The following AGPAT2 variants were observed in gnomAD, a reference collection of about 807,000 sequenced individuals.
AGPAT2 encodes 1-acyl-sn-glycerol-3-phosphate acyltransferase beta.
In AGPAT2, 18 loss-of-function variants were observed where a neutral mutation model predicts 26.1. The observed-to-expected ratio is 0.69, with a 90% CI of 0.48 to 1.02. AGPAT2 has a LOEUF of 1.02. Ranked by LOEUF, AGPAT2 falls within the 50% of genes least tolerant of loss-of-function variation. The pLI, the probability that AGPAT2 is intolerant of heterozygous loss-of-function variation, is 0.00. For synonymous variants in AGPAT2, 200 were observed against 174.2 expected (o/e 1.15, Z -1.16); for missense variants, 415 against 394.9 (o/e 1.05, Z -0.43).
chr9:136,684,720 G>A (rs1453083801), intron 1 of AGPAT2, among the ~76,000 whole-genome samples: 2 of 152,214 alleles, frequency 1.3e-5, no homozygotes, highest in Non-Finnish European at 2.9e-5. Context: ...CTGTCAGTGG[G>A]TTCGAACCCC....
chr9:136,677,403 AC>A lies in AGPAT2; in HGVS notation c.316+19del. 1 of 1,612,114 alleles carries A rather than the reference AC, an allele frequency of 6.2e-7. No homozygotes were observed. ...CGGCCCCACTCAAACCCCAGAAGCC[AC>A]CCCCGAGGCCCGGCCTACCCATCAT... On this transcript the variant is annotated intron_variant, in intron 2 of 5. Coordinates refer to ENST00000371696, the MANE Select transcript of AGPAT2 (RefSeq NM_006412.4).
chr9:136,679,533 C>A (rs968421724), intron 1 of AGPAT2, among the ~76,000 whole-genome samples: 1 of 152,182 alleles, frequency 6.6e-6, no homozygotes, highest in African/African-American at 2.4e-5. Flanking sequence ...CCCGCACACT[C>A]AGGGGAACTG....
rs1564289447 is a variant in AGPAT2 at position 136,673,873 on chromosome 9, G to GC, written c.715dup (p.Ala239GlyfsTer238). 1 of 1,603,218 alleles carries GC rather than the reference G, an allele frequency of 6.2e-7. No individual in the cohort carries two copies. Among genetic ancestry groups the GC allele is most frequent in the South Asian group, 1.1e-5 (1 of 89,300 alleles). ...GGTGTCCACGAGCGCAGGGACGTCCGCCGCAGTGAGGCCGCTGGTGGGGAT... is the reference window on the plus strand; with the variant it reads ...GGTGTCCACGAGCGCAGGGACGTCCGCCCGCAGTGAGGCCGCTGGTGGGGAT... On this transcript the variant is annotated frameshift_variant, in exon 6 of 6. Transcript: ENST00000371696. LOFTEE classifies it low-confidence loss of function (END_TRUNC).
Position 136,676,672 on chromosome 9 carries a change from C to T in AGPAT2, c.501G>A (p.Val167=), listed in dbSNP as rs770013832. The part of the protein sequence containing the change: ...GERMVRENLK[V]WIYPEGTRND... ...TGCGAGTACCCTCGGGATAGATCCA[C>T]ACTTTGAGCTGCAGGGAGAGGAGAG... The change falls in exon 4 of 6, where the codon GTG becomes GTA. Residue 167 remains valine, a synonymous_variant. Transcript: ENST00000371696. The T allele has an allele frequency of 6.2e-7, 1 of 1,613,536 alleles. No homozygotes were observed. The highest frequency in any genetic ancestry group is 1.1e-5 in the South Asian group (1 of 91,076).
At chr9:136,682,324 C>T (rs1846171608) in intron 1 of AGPAT2, among the ~76,000 whole-genome samples, 1 of 152,222 alleles carries the variant, frequency 6.6e-6, no homozygotes, top group South Asian at 2.1e-4. Context: ...CTTCCCCCAC[C>T]AGCTTGCCCA....
chr9:136,678,342 T>G (rs1246034796), intron 1 of AGPAT2, among the ~76,000 whole-genome samples: 1 of 152,196 alleles, frequency 6.6e-6, no homozygotes, highest in Admixed American at 6.5e-5. Flanking sequence ...CCGTCATGGT[T>G]GGGACCAGGG....
chr9:136,674,633 G>T, intron 5 of AGPAT2, 102 bp downstream of exon 5: 2 of 901,342 alleles, frequency 2.2e-6, no homozygotes, highest in Non-Finnish European at 1.5e-6. Context: ...GTGTGGCCAC[G>T]CCACGGGTGC....
chr9:136,679,591 A>G (rs1381722718), intron 1 of AGPAT2, among the ~76,000 whole-genome samples: 1 of 151,908 alleles, frequency 6.6e-6, no homozygotes, highest in Non-Finnish European at 1.5e-5. Flanking sequence ...AGCTTCCCGG[A>G]CCCCTGTGAC....
chr9:136,674,748 C>G lies in AGPAT2; in HGVS notation c.648G>C (p.Lys216Asn). Residue 216 changes from lysine (K) to asparagine (N), a missense_variant, in exon 5 of 6, where the codon AAG becomes AAC. Physicochemically the swap from Lys to Asn is moderately conservative, Grantham distance 94 (BLOSUM62 0). Transcript: ENST00000371696. ...SFSSFYNTKK[K>N]FFTSGTVTVQ... is the part of the protein sequence containing the mutation. ...ATGTGGGGGTACCTGAAGTGAAGAA[C>G]TTCTTCTTGGTGTTGTAGAAGGAGG... 3 of 1,510,092 alleles carry G rather than the reference C, an allele frequency of 2.0e-6. No homozygotes were observed. Among genetic ancestry groups the G allele is most frequent in the Non-Finnish European group, 2.7e-6 (3 of 1,125,402 alleles). 93.5% of individuals were successfully genotyped at this position (1,510,092 alleles called of 1,614,324 possible). A position where few individuals can be genotyped will look rare whatever the true frequency, so the allele number is the denominator to read the frequency against.
rs142207711 is a variant in AGPAT2 at position 136,673,869 on chromosome 9, G to A, written c.720C>T (p.Asp240=). Residue 240 remains aspartate, a synonymous_variant, in exon 6 of 6, where the codon GAC becomes GAT. Coordinates refer to ENST00000371696, the MANE Select transcript of AGPAT2 (RefSeq NM_006412.4). ...GGCAGGTGTCCACGAGCGCAGGGAC[G>A]TCCGCCGCAGTGAGGCCGCTGGTGG... The part of the protein sequence containing the change: ...AIPTSGLTAA[D]VPALVDTCHR... 43 of 1,603,328 alleles carry A rather than the reference G, an allele frequency of 2.7e-5. No individual in the cohort carries two copies. The highest frequency in any genetic ancestry group is 1.1e-4 in the African/African-American group (8 of 74,738).
chr9:136,677,487 G>C lies in AGPAT2; in HGVS notation c.252C>G (p.Arg84=). 1 of 1,613,074 alleles carries C rather than the reference G, an allele frequency of 6.2e-7. No individual in the cohort carries two copies. The highest frequency in any genetic ancestry group is 1.6e-4 in the Middle Eastern group (1 of 6,062). The change falls in exon 2 of 6, where the codon CGC becomes CGG. Residue 84 remains arginine (R), a synonymous_variant. Transcript: ENST00000371696. ...YGLRFEVRDP[R]RLQEARPCVI... is the part of the protein sequence containing the mutation. ...CACAGGGACGGGCCTCCTGCAGCCT[G>C]CGCGGGTCCCGCACCTCGAAGCGGA...
Position 136,676,655 on chromosome 9 carries a change from C to T in AGPAT2, c.518G>A (p.Gly173Asp), listed in dbSNP as rs1846093396. The T allele has an allele frequency of 6.2e-7, 1 of 1,613,516 alleles. No individual in the cohort carries two copies. The highest frequency in any genetic ancestry group is 8.5e-7 in the Non-Finnish European group (1 of 1,179,892). Residue 173 changes from glycine (G) to aspartate (D), a missense_variant, in exon 4 of 6, where the codon GGT (glycine) becomes GAT (aspartate). Coordinates refer to ENST00000371696, the MANE Select transcript of AGPAT2 (RefSeq NM_006412.4). ...ENLKVWIYPE[G>D]TRNDNGDLLP... is the part of the protein sequence containing the mutation. ...CAGGTCCCCATTGTCGTTGCGAGTA[C>T]CCTCGGGATAGATCCACACTTTGAG...
At position 136,673,473 on chromosome 9, in the gene AGPAT2, C is replaced by A. The variant is rs962359592; in HGVS notation, c.*279G>T. 1.5e-5 allele frequency: 5 copies of A among 338,920 alleles called. No homozygotes were observed. Among genetic ancestry groups the A allele is most frequent in the Non-Finnish European group, 2.1e-5 (4 of 186,382 alleles). 21.0% of individuals were successfully genotyped at this position (338,920 alleles called of 1,614,324 possible). ...GGCTCAGCCCACCAGCGGGCCACAG[C>A]CGCAAGCCTCATCTTTATCATCCCA... is the stretch of plus-strand genomic sequence containing the variant. On this transcript the variant is annotated 3_prime_UTR_variant, in exon 6 of 6. Coordinates refer to ENST00000371696, the MANE Select transcript of AGPAT2 (RefSeq NM_006412.4).
chr9:136,680,517 G>A (rs755482948), intron 1 of AGPAT2, among the ~76,000 whole-genome samples: 10 of 151,910 alleles, frequency 6.6e-5, no homozygotes, highest in Admixed American at 1.3e-4. Context: ...GTGAGCCACC[G>A]CGCCCGGCCA....
chr9:136,676,402 C>A (rs1485114154), intron 4 of AGPAT2, among the ~76,000 whole-genome samples, 183 bp downstream of exon 4: 1 of 152,266 alleles, frequency 6.6e-6, no homozygotes, highest in Non-Finnish European at 1.5e-5. Flanking sequence ...AGGGGCTGCC[C>A]TCCCTGGTCG....
At chr9:136,677,220 C>G (rs1226543897) in intron 2 of AGPAT2, 84 bp from the exon 3 acceptor site, 2 of 1,549,548 alleles carry the variant, frequency 1.3e-6, no homozygotes, top group Non-Finnish European at 1.8e-6. Context: ...ACAGGCCTGC[C>G]TGGCACCCTG....
chr9:136,677,660 T>G, intron 1 of AGPAT2, 104 bp from the exon 2 acceptor site: 7 of 1,393,636 alleles, frequency 5.0e-6, no homozygotes, highest in Non-Finnish European at 7.0e-6. Flanking sequence ...GGAGGGGCCC[T>G]CCTGGCACGG....
chr9:136,676,446 C>G, intron 4 of AGPAT2, 139 bp downstream of exon 4: 1 of 679,860 alleles, frequency 1.5e-6, no homozygotes, highest in South Asian at 1.6e-5. Flanking sequence ...GGCAAGGAGG[C>G]CCTGTCCCCA....
chr9:136,673,645 G>GAGCCGGACAGAGTGGTATTTGGA lies in AGPAT2; in HGVS notation c.*84_*106dup. 1.6e-6 allele frequency: 2 copies of GAGCCGGACAGAGTGGTATTTGGA among 1,248,236 alleles called. No homozygotes were observed. Among genetic ancestry groups the GAGCCGGACAGAGTGGTATTTGGA allele is most frequent in the Non-Finnish European group, 2.2e-6 (2 of 928,418 alleles). 77.3% of individuals were successfully genotyped at this position (1,248,236 alleles called of 1,614,324 possible). On this transcript the variant is annotated 3_prime_UTR_variant, in exon 6 of 6. Transcript: ENST00000371696. ...TTCCCGGGCTGAGTGAGAGCTGGGG[G>GAGCCGGACAGAGTGGTATTTGGA]AGCCGGACAGAGTGGTATTTGGAAG...
Sources: gnomAD v4.1 joint callset for allele counts (sites outside exome capture counted in the v4.1 genomes callset) on GRCh38, gnomAD v4.1.1 for gene constraint, MANE v1.5 for transcripts, NCBI Gene and HGNC (gene_info 2026-07-23, HGNC 2026-07-21) for gene names.